The following BRD1 variants were observed in gnomAD, a reference collection of about 807,000 sequenced individuals.
BRD1 encodes bromodomain containing 1, also known as bromodomain-containing protein 1.
BRD1 carries 24 observed loss-of-function variants against 107.7 expected under a neutral mutation model. That is an observed-to-expected ratio of 0.22 (90% CI 0.16 to 0.31). The LOEUF (loss-of-function observed/expected upper bound fraction) is 0.31, where lower values mean the gene tolerates loss of function less well. Among genes scored for constraint, BRD1 ranks in the 10% least tolerant of loss-of-function variants. The pLI is 1.00. For missense variants in BRD1, 1,279 were observed against 1,638.6 expected, an observed-to-expected ratio of 0.78 and a Z score of 3.79; for synonymous variants, 744 against 686.1, an observed-to-expected ratio of 1.08 and a Z score of -1.32.
At chr22:49,808,072 G>A (rs1032386161) in intron 2 of BRD1, among the ~76,000 whole-genome samples, 7 of 152,220 alleles carry the variant, frequency 4.6e-5, no homozygotes, top group Non-Finnish European at 5.9e-5. Flanking sequence ...GAACCCTTGC[G>A]CACCGCCGGC....
intron 2 of BRD1, among the ~76,000 whole-genome samples, chr22:49,809,141 GA>G (rs967206771): frequency 6.6e-6 from 1 of 151,312 alleles, no homozygotes; most frequent in Non-Finnish European, 1.5e-5. Flanking sequence ...AAGAAAAAGG[GA>G]AAAAAAGGAT....
intron 2 of BRD1, among the ~76,000 whole-genome samples, chr22:49,821,724 G>A (rs1181096266): frequency 2.6e-5 from 4 of 152,146 alleles, no homozygotes; most frequent in Non-Finnish European, 2.9e-5. Flanking sequence ...GCCTGCATGC[G>A]TCCCACCTGT....
chr22:49,777,194 C>T, intron 9 of BRD1, 33 bp from the exon 10 acceptor site: 2 of 1,606,494 alleles, frequency 1.2e-6, no homozygotes, highest in Non-Finnish European at 1.7e-6. Flanking sequence ...AGTCAGGCGC[C>T]CCGCCCCTGC....
rs1164996579 is a variant in BRD1 at position 49,777,859 on chromosome 22, C to T, written c.2858-46G>A. 4 of 1,557,858 alleles carry T rather than the reference C, an allele frequency of 2.6e-6. No homozygotes were observed. In the South Asian group the frequency reaches 4.6e-5, roughly 18 times the overall value. On this transcript the variant is annotated intron_variant, in intron 8 of 12. Transcript: ENST00000404760. ...CCCTGAGCTCAGCACAACCAGGGCA[C>T]ACTGAAGCATGACTCAACGACGTTA...
At chr22:49,788,488 G>A (rs2059371586) in intron 7 of BRD1, among the ~76,000 whole-genome samples, 1 of 152,140 alleles carries the variant, frequency 6.6e-6, no homozygotes, top group African/African-American at 2.4e-5. Flanking sequence ...ATTGTGATGG[G>A]AGCTTTCAGG....
rs373741149 is a variant in BRD1, at chr22:49,787,416, T to G, written c.2831A>C (p.Glu944Ala). Residue 944 changes from glutamate to alanine, a missense_variant, in exon 8 of 13, where the codon GAG becomes GCG. Glu to Ala is a moderately radical substitution (Grantham distance 107). This residue lies in a region of BRD1 where 263 missense variants were observed against 251.6 expected (regional missense o/e 1.05). Transcript: ENST00000404760. ...TGCGTCCAGGCGCTTTCCTGGGGAC[T>G]CCTCCTCCACCTCGGAGTCTCCGCA... Reference protein sequence around the residue: ...STCGDSEVEEESPGKRLDAGL... With the variant: ...STCGDSEVEEASPGKRLDAGL... 6.8e-5 allele frequency: 110 copies of G among 1,609,738 alleles called. No individual in the cohort carries two copies. Among genetic ancestry groups the G allele is most frequent in the Non-Finnish European group, 9.0e-5 (106 of 1,177,954 alleles).
chr22:49,816,471 G>A (rs2059954545), intron 2 of BRD1, among the ~76,000 whole-genome samples: 1 of 152,172 alleles, frequency 6.6e-6, no homozygotes, highest in African/African-American at 2.4e-5. Flanking sequence ...GGACGGCTGT[G>A]CAGGTCAACA....
chr22:49,794,755 G>T (rs779355006), intron 6 of BRD1, among the ~76,000 whole-genome samples: 3 of 152,222 alleles, frequency 2.0e-5, no homozygotes, highest in Non-Finnish European at 4.4e-5. Flanking sequence ...GCCATTGCAC[G>T]TCCTAAGTGG....
Position 49,824,386 on chromosome 22 carries a change from G to T in BRD1, c.-14-55C>A. The T allele has an allele frequency of 6.3e-7, 1 of 1,579,468 alleles. No homozygotes were observed. On this transcript the variant is annotated intron_variant, in intron 1 of 12. Coordinates refer to ENST00000404760, the MANE Select transcript of BRD1 (RefSeq NM_001304808.3). The surrounding 1 kb of genome is among the most constrained non-coding windows in gnomAD (Gnocchi z 5.9). ...CTACGCAGGGTGACCAAAGACTCGAGAAAACCACAAAAGCATGCTTGGACA... is the reference window on the plus strand; with the variant it reads ...CTACGCAGGGTGACCAAAGACTCGATAAAACCACAAAAGCATGCTTGGACA...
intron 8 of BRD1, among the ~76,000 whole-genome samples, chr22:49,781,273 G>A (rs1337690739): frequency 3.3e-5 from 5 of 152,182 alleles, no homozygotes; most frequent in South Asian, 4.1e-4. Flanking sequence ...AAGCCTGCCC[G>A]TCACCAGGTA....
chr22:49,795,771 G>A (rs2147120933), intron 6 of BRD1, among the ~76,000 whole-genome samples: 1 of 152,342 alleles, frequency 6.6e-6, no homozygotes, highest in Non-Finnish European at 1.5e-5. Flanking sequence ...TGGGAGGCGG[G>A]GGAAGCTTTC....
chr22:49,787,264 A>G (rs960165967), intron 8 of BRD1, 126 bp downstream of exon 8: 2 of 1,278,768 alleles, frequency 1.6e-6, no homozygotes, highest in Middle Eastern at 2.8e-4. Context: ...TCTTCTCTGG[A>G]AATTAAGAGA....
chr22:49,781,839 C>T (rs936962680), intron 8 of BRD1, among the ~76,000 whole-genome samples: 3 of 152,288 alleles, frequency 2.0e-5, no homozygotes, highest in Non-Finnish European at 4.4e-5. Context: ...AAAACACACA[C>T]GGAAGAAGAT....
intron 2 of BRD1, among the ~76,000 whole-genome samples, chr22:49,819,204 G>C (rs1313504646): frequency 1.3e-5 from 2 of 152,118 alleles, no homozygotes; most frequent in African/African-American, 4.8e-5. Flanking sequence ...AGGCTGCAGT[G>C]AGCCGAGATT....
At chr22:49,807,401 T>C (rs2059766605) in intron 2 of BRD1, among the ~76,000 whole-genome samples, 1 of 152,156 alleles carries the variant, frequency 6.6e-6, no homozygotes, top group Non-Finnish European at 1.5e-5. Flanking sequence ...AACAGTGCGG[T>C]GCTGACGAAA....
chr22:49,779,023 A>T (rs115246346), intron 8 of BRD1, among the ~76,000 whole-genome samples: 4,283 of 152,268 alleles, frequency 0.028, 216 homozygotes, highest in African/African-American at 0.098. Flanking sequence ...TCCTTAAAAA[A>T]TTTTTAAATC....
rs1304669044 is a variant in BRD1, at chr22:49,794,222, A to G, written c.2171T>C (p.Met724Thr). Reference sequence around the variant, plus strand: ...CTTCATAGCGCAGGTGAGGTCGAGCATGTCCAGCAGCTCTCTCAGCTGCTC... The same window carrying G: ...CTTCATAGCGCAGGTGAGGTCGAGCGTGTCCAGCAGCTCTCTCAGCTGCTC... ...LEEQLRELLD[M>T]LDLTCAMKSS... The change falls in exon 7 of 13, where the codon ATG (methionine) becomes ACG (threonine). Residue 724 changes from methionine (M) to threonine (T), a missense_variant. By Grantham distance (81) the Met-to-Thr change is moderately conservative. Transcript: ENST00000404760. 1 of 1,614,158 alleles carries G rather than the reference A, an allele frequency of 6.2e-7. No individual in the cohort carries two copies. Among genetic ancestry groups the G allele is most frequent in the South Asian group, 1.1e-5 (1 of 91,088 alleles).
At chr22:49,798,958 G>A (rs1488939203) in intron 4 of BRD1, 30 bp downstream of exon 4, 1 of 1,577,580 alleles carries the variant, frequency 6.3e-7, no homozygotes, top group Non-Finnish European at 8.6e-7. Context: ...GGCCAGTGGT[G>A]CACTCCACGC....
Position 49,826,028 on chromosome 22 carries a change from C to A in BRD1, c.-15+1469G>T, listed in dbSNP as rs916488497. On this transcript the variant is annotated intron_variant, in intron 1 of 12. Transcript: ENST00000404760. ...GGGGAGCTGTCAGCACAGCCACCCC[C>A]CAGCCGGCCCCGTGAGCCCTGCAGA... 7.5e-5 allele frequency: 23 copies of A among 307,528 alleles called. No individual in the cohort carries two copies. In the Admixed American group the frequency reaches 1.3e-3, roughly 17 times the overall value. 19.0% of individuals were successfully genotyped at this position (307,528 alleles called of 1,614,324 possible).
Sources: gnomAD v4.1 joint callset for allele counts (sites outside exome capture counted in the v4.1 genomes callset) on GRCh38, gnomAD v4.1.1 for gene constraint, gnomAD v4.1.1 regional missense constraint, Gnocchi (gnomAD v3.1) non-coding constraint, MANE v1.5 for transcripts, NCBI Gene and HGNC (gene_info 2026-07-23, HGNC 2026-07-21) for gene names.